YME1L1: variants seen among roughly 807,000 people sequenced by gnomAD.
The protein encoded by YME1L1 is YME1 like 1 ATPase, also known as ATP-dependent zinc metalloprotease YME1L1.
Under a neutral mutation model 90.4 loss-of-function variants are expected in YME1L1, and 39 were observed. The observed-to-expected ratio is 0.43, with a 90% CI of 0.33 to 0.56. The LOEUF (loss-of-function observed/expected upper bound fraction) is 0.56. Among genes scored for constraint, YME1L1 ranks in the 20% least tolerant of loss-of-function variants. YME1L1 has a pLI of 0.03. For synonymous variants in YME1L1, 284 were observed against 287.3 expected, an observed-to-expected ratio of 0.99 and a Z score of 0.12; for missense variants, 617 against 868.4, an observed-to-expected ratio of 0.71 and a Z score of 3.64.
chr10:27,145,853 A>G (rs1317454987), intron 2 of YME1L1: 2 of 239,010 alleles, frequency 8.4e-6, no homozygotes, highest in Admixed American at 1.0e-4. Context: ...ATGAATGAGA[A>G]AAACTTTTTT....
intron 13 of YME1L1, among the ~76,000 whole-genome samples, chr10:27,120,020 T>C (rs1046283430): frequency 3.8e-4 from 58 of 152,202 alleles, no homozygotes; most frequent in Non-Finnish European, 5.7e-4. Flanking sequence ...TTTCATTTAT[T>C]ACTCAAGTGA....
rs1288079604 is a variant in YME1L1, at chr10:27,116,117, A to G, written c.1863T>C (p.Phe621=). The G allele has an allele frequency of 1.9e-6, 3 of 1,614,072 alleles. No individual in the cohort carries two copies. In the East Asian group the frequency reaches 6.7e-5, roughly 36 times the overall value. The change falls in exon 17 of 19, where the codon TTT becomes TTC. Residue 621 remains phenylalanine (F), a synonymous_variant. Transcript: ENST00000376016. ...DHITTGASSD[F]DNATKIAKRM... ...GCTTTGCTATTTTAGTGGCATTATC[A>G]AAATCACTGGAAGCACCTAAAATAA...
chr10:27,131,492 A>G (rs2056977292), intron 8 of YME1L1, among the ~76,000 whole-genome samples: 1 of 152,244 alleles, frequency 6.6e-6, no homozygotes. Context: ...ACAGGTAAAG[A>G]AGGACCATTT....
intron 18 of YME1L1, among the ~76,000 whole-genome samples, chr10:27,112,503 T>G (rs925412226): frequency 5.3e-5 from 8 of 152,208 alleles, no homozygotes; most frequent in African/African-American, 1.7e-4. Context: ...TTTACCCTAG[T>G]TACTTCACAG....
chr10:27,121,054 T>C (rs1321287954), intron 12 of YME1L1, among the ~76,000 whole-genome samples: 2 of 152,226 alleles, frequency 1.3e-5, no homozygotes, highest in African/African-American at 4.8e-5. Flanking sequence ...CAAATAAATA[T>C]TTTAAGTTTT....
chr10:27,128,925 T>A (rs1449308550), intron 8 of YME1L1, among the ~76,000 whole-genome samples: 1 of 150,888 alleles, frequency 6.6e-6, no homozygotes, highest in Non-Finnish European at 1.5e-5. Context: ...ATAATAAAAT[T>A]AAATTAAAAA....
intron 15 of YME1L1, among the ~76,000 whole-genome samples, chr10:27,117,192 T>C (rs1000610016): frequency 6.6e-6 from 1 of 152,226 alleles, no homozygotes; most frequent in African/African-American, 2.4e-5. Flanking sequence ...TTGTACTAAA[T>C]GATAAAAATC....
Position 27,120,669 on chromosome 10 carries a change from G to T in YME1L1, c.1299-122C>A, listed in dbSNP as rs934474372. On this transcript the variant is annotated intron_variant, in intron 12 of 18. Transcript: ENST00000376016. ...GCAGCCAGAGCGCAGATGGAGTTTT[G>T]TACATAAATATTCAGATAGTTCCTT... 9 of 650,826 alleles carry T rather than the reference G, an allele frequency of 1.4e-5. No individual in the cohort carries two copies. In the African/African-American group the frequency reaches 1.5e-4, roughly 11 times the overall value. The allele number at this position is 650,826 out of a possible 1,614,324, so 40.3% of individuals were successfully genotyped here.
rs1384411822 is a variant in YME1L1, at chr10:27,145,525, T to C, written c.234A>G (p.Val78=). The change falls in exon 3 of 19, where the codon GTA becomes GTG. Residue 78 remains valine, a synonymous_variant. Transcript: ENST00000376016. ...ELKIGQIDQL[V]ENLLPGFCKG... is the part of the protein sequence containing the mutation. ...TACAAAATCCAGGAAGTAGATTTTC[T>C]ACCAGCTGATCAATCTGTCCAATTT... The C allele has an allele frequency of 4.3e-6, 7 of 1,613,620 alleles. No individual in the cohort carries two copies. The East Asian group carries it at 1.3e-4, about 31-fold the overall frequency.
At chr10:27,116,185 A>G (rs1588582251) in intron 16 of YME1L1, 34 bp downstream of exon 16, 2 of 1,613,906 alleles carry the variant, frequency 1.2e-6, no homozygotes, top group Non-Finnish European at 1.7e-6. Context: ...AAGACCACAT[A>G]TAATTTGAAC....
chr10:27,122,728 C>G, intron 11 of YME1L1, 113 bp downstream of exon 11: 5 of 1,430,254 alleles, frequency 3.5e-6, no homozygotes, highest in Non-Finnish European at 3.8e-6. Flanking sequence ...TCACATTTTT[C>G]ATATCTCTAG....
intron 9 of YME1L1, among the ~76,000 whole-genome samples, chr10:27,125,855 T>C (rs1000113887): frequency 4.6e-5 from 7 of 151,964 alleles, no homozygotes; most frequent in Admixed American, 3.3e-4. Context: ...GCCAGGCTGG[T>C]TGGAACTCCA....
rs191504334 is a variant in YME1L1, at chr10:27,142,645, C to T, written c.332-160G>A. Among the ~76,000 whole-genome samples the T allele has an allele frequency of 1.4e-4, 22 of 152,314 alleles. No homozygotes were observed. The East Asian group carries it at 2.7e-3, about 19-fold the overall frequency. On this transcript the variant is annotated intron_variant, in intron 3 of 18. Coordinates refer to ENST00000376016, the MANE Select transcript of YME1L1 (RefSeq NM_014263.4). Reference sequence around the variant, plus strand: ...ACTGCTTTTATGAAAGTATCTAAAGCATCGCTAATTTAACTACATCTCACA... The same window carrying T: ...ACTGCTTTTATGAAAGTATCTAAAGTATCGCTAATTTAACTACATCTCACA...
At chr10:27,135,312 T>G (rs1383451397) in intron 5 of YME1L1, among the ~76,000 whole-genome samples, 1 of 152,212 alleles carries the variant, frequency 6.6e-6, no homozygotes, top group African/African-American at 2.4e-5. Context: ...CTCATTAATT[T>G]ACTAAATGTC....
chr10:27,145,313 ACTTCAGG>A, intron 3 of YME1L1, 108 bp downstream of exon 3: 2 of 859,918 alleles, frequency 2.3e-6, no homozygotes, highest in Non-Finnish European at 3.2e-6. Flanking sequence ...AAAAAAAAAC[ACTTCAGG>A]AAAGAACCCA....
At chr10:27,128,793 T>C (rs1387884510) in intron 8 of YME1L1, among the ~76,000 whole-genome samples, 1 of 151,468 alleles carries the variant, frequency 6.6e-6, no homozygotes, top group Non-Finnish European at 1.5e-5. Flanking sequence ...CCTGTAGTCC[T>C]AGCTACCTGA....
At chr10:27,142,226 T>C (rs1313092441) in intron 4 of YME1L1, among the ~76,000 whole-genome samples, 161 bp downstream of exon 4, 1 of 152,190 alleles carries the variant, frequency 6.6e-6, no homozygotes, top group Admixed American at 6.5e-5. Context: ...ATTTTCCAGA[T>C]TAAAAATTAT....
intron 2 of YME1L1, chr10:27,147,449 G>C: frequency 1.2e-6 from 2 of 1,614,166 alleles, no homozygotes; most frequent in Non-Finnish European, 1.7e-6. Flanking sequence ...AAGAACGATG[G>C]ACAAAACAAA....
Position 27,123,563 on chromosome 10 carries a change from A to T in YME1L1, c.1086T>A (p.Arg362=), listed in dbSNP as rs2056887489. Residue 362 remains arginine, a synonymous_variant, in exon 10 of 19, where the codon CGT becomes CGA. Coordinates refer to ENST00000376016, the MANE Select transcript of YME1L1 (RefSeq NM_014263.4). ...DEMFVGVGAS[R]IRNLFREAKA... ...AAAACGTACTAAAAAGATTTCTGAT[A>T]CGGCTGGCTCCCACACCCACAAACA... 3 of 1,613,716 alleles carry T rather than the reference A, an allele frequency of 1.9e-6. No homozygotes were observed. Among genetic ancestry groups the T allele is most frequent in the Non-Finnish European group, 2.5e-6 (3 of 1,179,800 alleles).
Sources: allele counts gnomAD v4.1 joint callset (sites outside exome capture counted in the v4.1 genomes callset), GRCh38; gene constraint gnomAD v4.1.1; transcripts MANE v1.5; gene names NCBI Gene and HGNC (gene_info 2026-07-23, HGNC 2026-07-21).